Variants in HSD17B12 observed in about 807,000 individuals in gnomAD.
HSD17B12 encodes very-long-chain 3-oxoacyl-CoA reductase.
In HSD17B12, 32 loss-of-function variants were observed where a neutral mutation model predicts 39.3. The observed-to-expected ratio is 0.81, with a 90% CI of 0.61 to 1.09. The LOEUF (loss-of-function observed/expected upper bound fraction) is 1.09, where lower values mean the gene tolerates loss of function less well. Among genes scored for constraint, HSD17B12 ranks in the 50% least tolerant of loss-of-function variants. HSD17B12 has a pLI of 0.00. For synonymous variants in HSD17B12, 150 were observed against 146.7 expected, an observed-to-expected ratio of 1.02 and a Z score of -0.16; for missense variants, 342 against 382.9, an observed-to-expected ratio of 0.89 and a Z score of 0.89.
intron 4 of HSD17B12, among the ~76,000 whole-genome samples, chr11:43,806,909 A>G (rs1247627594): frequency 1.3e-5 from 2 of 152,244 alleles, no homozygotes; most frequent in African/African-American, 4.8e-5. Flanking sequence ...TGAATGTACC[A>G]AATTATCACG....
intron 1 of HSD17B12, among the ~76,000 whole-genome samples, chr11:43,737,603 T>C (rs1000347481): frequency 1.3e-5 from 2 of 152,220 alleles, no homozygotes; most frequent in African/African-American, 4.8e-5. Flanking sequence ...CTCTACCTTA[T>C]AGTGCCACCC....
chr11:43,800,269 T>C (rs1400648113), intron 4 of HSD17B12, among the ~76,000 whole-genome samples: 5 of 152,320 alleles, frequency 3.3e-5, no homozygotes, highest in Admixed American at 2.6e-4. Context: ...AAGGCTAGCT[T>C]AGGCTGGAAG....
intron 1 of HSD17B12, among the ~76,000 whole-genome samples, chr11:43,712,006 G>A (rs1006399258): frequency 6.6e-6 from 1 of 152,188 alleles, no homozygotes; most frequent in Non-Finnish European, 1.5e-5. Context: ...AGGCCATGAA[G>A]TAGGGGTTGG....
chr11:43,601,192 T>C, the HSD17B12 span, among the ~76,000 whole-genome samples: 1 of 152,106 alleles, frequency 6.6e-6, no homozygotes, highest in South Asian at 2.1e-4. Flanking sequence ...TCTGTTGTTA[T>C]ATCATCTTAT....
intron 3 of HSD17B12, among the ~76,000 whole-genome samples, chr11:43,788,043 G>T (rs1338071534): frequency 6.6e-6 from 1 of 152,094 alleles, no homozygotes; most frequent in Admixed American, 6.6e-5. Context: ...TAAAATAAAG[G>T]TACTGTGTGA....
At chr11:43,632,878 A>T in the HSD17B12 span, among the ~76,000 whole-genome samples, 1 of 152,238 alleles carries the variant, frequency 6.6e-6, no homozygotes, top group East Asian at 1.9e-4. Context: ...GCTTCATTCA[A>T]TTCTGATACT....
At chr11:43,562,734 A>G in the HSD17B12 span, among the ~76,000 whole-genome samples, 1 of 152,194 alleles carries the variant, frequency 6.6e-6, no homozygotes, top group African/African-American at 2.4e-5. Flanking sequence ...TACACAAGGT[A>G]AAGTCTATCT....
chr11:43,632,361 A>G, the HSD17B12 span, among the ~76,000 whole-genome samples: 3 of 152,212 alleles, frequency 2.0e-5, no homozygotes, highest in Non-Finnish European at 4.4e-5. Flanking sequence ...GAAGCTCCTG[A>G]CATCCTGTTT....
chr11:43,707,064 G>A (rs901545635), intron 1 of HSD17B12, among the ~76,000 whole-genome samples: 3 of 152,066 alleles, frequency 2.0e-5, no homozygotes, highest in African/African-American at 7.3e-5. Flanking sequence ...CATCAGAGAA[G>A]TTATATCGTC....
At chr11:43,562,308 G>A in the HSD17B12 span, among the ~76,000 whole-genome samples, 1 of 152,262 alleles carries the variant, frequency 6.6e-6, no homozygotes, top group Non-Finnish European at 1.5e-5. Flanking sequence ...GGCATCCTGA[G>A]TACAGTGTAA....
chr11:43,827,815 G>A (rs1951260790), intron 6 of HSD17B12, among the ~76,000 whole-genome samples: 1 of 152,076 alleles, frequency 6.6e-6, no homozygotes, highest in Admixed American at 6.5e-5. Flanking sequence ...TGCTATACCA[G>A]TAAATACTAG....
chr11:43,705,375 T>G (rs1360238154), intron 1 of HSD17B12, among the ~76,000 whole-genome samples: 1 of 152,224 alleles, frequency 6.6e-6, no homozygotes, highest in African/African-American at 2.4e-5. Context: ...GATTTTCAAT[T>G]AACTTGAAGT....
At chr11:43,757,471 A>G (rs1453264679) in intron 3 of HSD17B12, among the ~76,000 whole-genome samples, 1 of 150,360 alleles carries the variant, frequency 6.7e-6, no homozygotes, top group African/African-American at 2.5e-5. Flanking sequence ...GTCTCTACTA[A>G]AAATACAAAA....
intron 9 of HSD17B12, among the ~76,000 whole-genome samples, chr11:43,846,922 A>G (rs1951481478): frequency 6.6e-6 from 1 of 152,246 alleles, no homozygotes; most frequent in Admixed American, 6.5e-5. Context: ...GAAAGCACCT[A>G]ATAATCTGGC....
At chr11:43,754,158 A>C in intron 3 of HSD17B12, 37 bp downstream of exon 3, 1 of 1,369,514 alleles carries the variant, frequency 7.3e-7, no homozygotes. Flanking sequence ...ATACATAGCT[A>C]ATTAATGTTT....
the HSD17B12 span, among the ~76,000 whole-genome samples, chr11:43,563,912 C>CT: frequency 7.3e-5 from 11 of 151,494 alleles, no homozygotes; most frequent in East Asian, 1.9e-4. Flanking sequence ...GCAATACATT[C>CT]TTTTTTTTTC....
chr11:43,707,059 G>A (rs990470013), intron 1 of HSD17B12, among the ~76,000 whole-genome samples: 7 of 152,044 alleles, frequency 4.6e-5, no homozygotes, highest in Non-Finnish European at 1.0e-4. Context: ...TATAACATCA[G>A]AGAAGTTATA....
At chr11:43,658,326 C>T in the HSD17B12 span, among the ~76,000 whole-genome samples, 1 of 152,046 alleles carries the variant, frequency 6.6e-6, no homozygotes, top group East Asian at 1.9e-4. Flanking sequence ...ACTTCTTTGC[C>T]ATTGGTTCGA....
At chr11:43,744,999 A>G (rs1950400708) in intron 1 of HSD17B12, among the ~76,000 whole-genome samples, 2 of 152,214 alleles carry the variant, frequency 1.3e-5, no homozygotes, top group Non-Finnish European at 2.9e-5. Flanking sequence ...AGTTACTGGG[A>G]GAGACTCAGT....
Sources: allele counts gnomAD v4.1 joint callset (sites outside exome capture counted in the v4.1 genomes callset), GRCh38; gene constraint gnomAD v4.1.1; transcripts MANE v1.5; gene names NCBI Gene and HGNC (gene_info 2026-07-23, HGNC 2026-07-21).